The following UGT2B15 variants were observed in gnomAD, a reference collection of about 807,000 sequenced individuals.
The protein encoded by UGT2B15 is UDP glucuronosyltransferase family 2 member B15.
Under a neutral mutation model 45.9 loss-of-function variants are expected in UGT2B15, and 36 were observed. The observed-to-expected ratio is 0.78, with a 90% CI of 0.60 to 1.04. The LOEUF (loss-of-function observed/expected upper bound fraction) is 1.04. UGT2B15 is among the 50% of genes least tolerant of loss of function. The pLI is 0.00. For missense variants in UGT2B15, 617 were observed against 622.4 expected (o/e 0.99, Z 0.09); for synonymous variants, 219 against 216.4 (o/e 1.01, Z -0.11).
At position 68,669,932 on chromosome 4, in the gene UGT2B15, A is replaced by G; in HGVS notation, c.687T>C (p.Asp229=). 2 of 1,613,136 alleles carry G rather than the reference A, an allele frequency of 1.2e-6. No individual in the cohort carries two copies. The highest frequency in any genetic ancestry group is 1.7e-6 in the Non-Finnish European group (2 of 1,179,788). ...LYFDFWFQIY[D]LKKWDQFYSE... ...TATAAAACTGGTCCCACTTCTTCAG[A>G]TCATAAATTTGAAACCAAAAGTCAA... The change falls in exon 1 of 6, where the codon GAT becomes GAC. Residue 229 remains aspartate, a synonymous_variant. Coordinates refer to ENST00000338206, the MANE Select transcript of UGT2B15 (RefSeq NM_001076.4).
intron 2 of UGT2B15, among the ~76,000 whole-genome samples, chr4:68,664,111 CT>C (rs1733047502): frequency 6.6e-6 from 1 of 151,980 alleles, no homozygotes; most frequent in Non-Finnish European, 1.5e-5. Context: ...TGCTCACCCC[CT>C]AGAGTAGCTC....
chr4:68,646,698 T>A lies in UGT2B15; in HGVS notation c.*406A>T, dbSNP rs1276986660. The stretch of plus-strand genomic sequence containing the variant: ...ACTAGAAGTTGTTTCCATGTTCACA[T>A]TTTCCTTCCTGGTTTAAAAAAAAGA... On this transcript the variant is annotated 3_prime_UTR_variant, in exon 6 of 6. Transcript: ENST00000338206. 6.5e-6 allele frequency: 1 copy of A among 153,642 alleles called. No individual in the cohort carries two copies. Among genetic ancestry groups the A allele is most frequent in the Non-Finnish European group, 1.4e-5 (1 of 69,420 alleles). 9.5% of individuals were successfully genotyped at this position (153,642 alleles called of 1,614,324 possible).
At chr4:68,660,850 A>C (rs1181173326) in intron 3 of UGT2B15, among the ~76,000 whole-genome samples, 1 of 151,798 alleles carries the variant, frequency 6.6e-6, no homozygotes, top group African/African-American at 2.4e-5. Flanking sequence ...CTTAAACTCC[A>C]GAAGAAAATA....
intron 3 of UGT2B15, among the ~76,000 whole-genome samples, chr4:68,658,677 C>G (rs1160220770): frequency 2.6e-5 from 4 of 152,006 alleles, no homozygotes. Context: ...GCAATCTAGT[C>G]CACAGGCAGT....
rs1732824519 is a variant in UGT2B15, at chr4:68,656,962, A to ATTCC, written c.1006-1781_1006-1780insGGAA. On this transcript the variant is annotated intron_variant, in intron 3 of 5. Coordinates refer to ENST00000338206, the MANE Select transcript of UGT2B15 (RefSeq NM_001076.4). ...GGGTGGCTGAGTACAGTTTACTGGA[A>ATTCC]GTAGTATTGACTGTTGCTATTTTTT... Among the ~76,000 whole-genome samples the ATTCC allele has an allele frequency of 1.3e-5, 2 of 152,074 alleles. 1 individual carries two copies. Among genetic ancestry groups the ATTCC allele is most frequent in the South Asian group, 4.1e-4 (2 of 4,832 alleles).
intron 2 of UGT2B15, among the ~76,000 whole-genome samples, chr4:68,665,297 A>G (rs1733087263): frequency 6.6e-6 from 1 of 152,158 alleles, no homozygotes; most frequent in Non-Finnish European, 1.5e-5. Flanking sequence ...TTTTTATTCT[A>G]CAAAAAAACT....
chr4:68,660,613 T>C (rs1490182263), intron 3 of UGT2B15, among the ~76,000 whole-genome samples: 3 of 151,936 alleles, frequency 2.0e-5, no homozygotes, highest in Non-Finnish European at 4.4e-5. Context: ...AGAAAAATTA[T>C]GTTTCAAAAA....
Position 68,646,851 on chromosome 4 carries a change from T to A in UGT2B15, c.*253A>T. The A allele has an allele frequency of 3.9e-6, 2 of 506,862 alleles. No individual in the cohort carries two copies. Among genetic ancestry groups the A allele is most frequent in the Non-Finnish European group, 6.6e-6 (2 of 303,096 alleles). 31.4% of individuals were successfully genotyped at this position (506,862 alleles called of 1,614,324 possible). ...GCGTGCTGCATCCAGTAACTCGTCA[T>A]TTAACATTAGGTATATCTCCAAATG... is the stretch of plus-strand genomic sequence containing the variant. On this transcript the variant is annotated 3_prime_UTR_variant, in exon 6 of 6. Coordinates refer to ENST00000338206, the MANE Select transcript of UGT2B15 (RefSeq NM_001076.4).
chr4:68,648,290 T>A (rs1259406031), intron 5 of UGT2B15, among the ~76,000 whole-genome samples: 14 of 152,134 alleles, frequency 9.2e-5, no homozygotes, highest in Admixed American at 9.2e-4. Context: ...CCCTGTACAC[T>A]TTCTTCTAGA....
chr4:68,661,825 T>G (rs1184157507), intron 3 of UGT2B15, among the ~76,000 whole-genome samples: 2 of 152,114 alleles, frequency 1.3e-5, no homozygotes, highest in Non-Finnish European at 2.9e-5. Context: ...CCATTGACAA[T>G]TCATGATTAA....
chr4:68,657,923 T>C (rs1011645466), intron 3 of UGT2B15, among the ~76,000 whole-genome samples: 9 of 152,196 alleles, frequency 5.9e-5, no homozygotes, highest in East Asian at 1.9e-4. Context: ...TTCTATAATT[T>C]TATGTTTAAT....
intron 2 of UGT2B15, among the ~76,000 whole-genome samples, chr4:68,665,325 A>C (rs1046686198): frequency 1.1e-4 from 16 of 152,144 alleles, no homozygotes; most frequent in African/African-American, 3.9e-4. Flanking sequence ...TGTTCTACTC[A>C]TCATTTTGTT....
intron 5 of UGT2B15, among the ~76,000 whole-genome samples, chr4:68,650,681 T>C (rs1375617364): frequency 1.3e-5 from 2 of 152,114 alleles, no homozygotes; most frequent in African/African-American, 2.4e-5. Flanking sequence ...GATTGCTAGG[T>C]CAAATGGTGT....
intron 2 of UGT2B15, among the ~76,000 whole-genome samples, chr4:68,664,170 G>T (rs1276613270): frequency 6.6e-6 from 1 of 151,300 alleles, no homozygotes; most frequent in Non-Finnish European, 1.5e-5. Context: ...GCTTTGAAAT[G>T]AATGAGAATT....
chr4:68,665,884 T>C (rs1276288169), intron 2 of UGT2B15, among the ~76,000 whole-genome samples: 2 of 152,120 alleles, frequency 1.3e-5, no homozygotes, highest in Non-Finnish European at 2.9e-5. Flanking sequence ...CTGTCTCTAC[T>C]AAAAACACAA....
chr4:68,666,828 C>G (rs1163960339), intron 2 of UGT2B15, among the ~76,000 whole-genome samples: 1 of 149,778 alleles, frequency 6.7e-6, no homozygotes, highest in Non-Finnish European at 1.5e-5. Context: ...CTCTCTGCAA[C>G]CTCTGCCTCC....
At position 68,650,056 on chromosome 4, in the gene UGT2B15, G is replaced by A. The variant is rs192967986; in HGVS notation, c.1314-2673C>T. On this transcript the variant is annotated intron_variant, in intron 5 of 5. Coordinates refer to ENST00000338206, the MANE Select transcript of UGT2B15 (RefSeq NM_001076.4). ...CTATGTTGGCCAGGAGTATGGTCTC[G>A]ATATCTTGACCTCGTGATCTGCCCT... Among the ~76,000 whole-genome samples the A allele has an allele frequency of 5.5e-4, 84 of 151,972 alleles. 3 individuals are homozygous for A. Among genetic ancestry groups the A allele is most frequent in the African/African-American group, 1.9e-3 (79 of 41,436 alleles).
intron 3 of UGT2B15, among the ~76,000 whole-genome samples, chr4:68,659,720 A>G (rs1732907657): frequency 6.6e-6 from 1 of 152,030 alleles, no homozygotes; most frequent in Non-Finnish European, 1.5e-5. Context: ...ATACTCAGCC[A>G]TAAAATTCTA....
intron 3 of UGT2B15, among the ~76,000 whole-genome samples, chr4:68,661,057 G>A (rs1732951081): frequency 2.0e-5 from 3 of 151,908 alleles, no homozygotes. Context: ...TAATAACTCA[G>A]GACCTGCTTA....
Sources: allele counts gnomAD v4.1 joint callset (sites outside exome capture counted in the v4.1 genomes callset), GRCh38; gene constraint gnomAD v4.1.1; transcripts MANE v1.5; gene names NCBI Gene and HGNC (gene_info 2026-07-23, HGNC 2026-07-21).